DNAI3: variants seen among roughly 807,000 people sequenced by gnomAD.
DNAI3 encodes the protein WD repeat domain 63.
In DNAI3, 83 loss-of-function variants were observed where a neutral mutation model predicts 115.5. The observed-to-expected ratio is 0.72, with a 90% CI of 0.60 to 0.86. The LOEUF (loss-of-function observed/expected upper bound fraction) is 0.86. Ranked by LOEUF, DNAI3 falls within the 40% of genes least tolerant of loss-of-function variation. The probability of loss-of-function intolerance (pLI) is 0.00; values close to 1 mark genes in which losing one functional copy is unlikely to be tolerated. For synonymous variants in DNAI3, 320 were observed against 347.0 expected, an observed-to-expected ratio of 0.92 and a Z score of 0.86; for missense variants, 1,004 against 1,075.8, an observed-to-expected ratio of 0.93 and a Z score of 0.93.
chr1:85,068,862 A>C (rs1489099626), intron 1 of DNAI3, among the ~76,000 whole-genome samples: 2 of 152,168 alleles, frequency 1.3e-5, no homozygotes, highest in African/African-American at 4.8e-5. Flanking sequence ...GAGGCACAAC[A>C]TGTCAGTGCC....
chr1:85,110,033 A>ATGTT lies in DNAI3; in HGVS notation c.1699-14_1699-11dup, dbSNP rs771824054. ...GATATGTGGAAATAATCTTTGCTAT[A>ATGTT]TGTTCTCCCAAAAGGTAAGGCTGTC... On this transcript the variant is annotated splice_polypyrimidine_tract_variant and intron_variant, in intron 15 of 22. Transcript: ENST00000294664. The ATGTT allele has an allele frequency of 1.2e-6, 2 of 1,606,700 alleles. No homozygotes were observed. Among genetic ancestry groups the ATGTT allele is most frequent in the Non-Finnish European group, 1.7e-6 (2 of 1,174,500 alleles).
At chr1:85,071,318 A>T (rs1654264785) in intron 1 of DNAI3, among the ~76,000 whole-genome samples, 1 of 152,194 alleles carries the variant, frequency 6.6e-6, no homozygotes, top group Admixed American at 6.5e-5. Context: ...CAAGGATTTG[A>T]TGTCATGGTG....
Position 85,132,952 on chromosome 1 carries a change from G to A in DNAI3, c.2630G>A (p.Gly877Asp), listed in dbSNP as rs1181643724. ...ELEKTVLINL[G>D]LIKVTEKGSY... ...GAAAAGACTGTTCTTATCAACCTTG[G>A]CCTAATCAAAGTCACAGAGAAGGGG... The change falls in exon 23 of 23, where the codon GGC becomes GAC. Residue 877 changes from glycine to aspartate, a missense_variant. Coordinates refer to ENST00000294664, the MANE Select transcript of DNAI3 (RefSeq NM_145172.5). 1 of 1,613,778 alleles carries A rather than the reference G, an allele frequency of 6.2e-7. No homozygotes were observed. Among genetic ancestry groups the A allele is most frequent in the Admixed American group, 1.7e-5 (1 of 59,986 alleles).
chr1:85,101,515 G>T (rs949195046), intron 13 of DNAI3, among the ~76,000 whole-genome samples: 1 of 151,988 alleles, frequency 6.6e-6, no homozygotes, highest in African/African-American at 2.4e-5. Context: ...ACGAGGTCAG[G>T]AGATGGAGAC....
chr1:85,081,905 T>G (rs939284932), intron 4 of DNAI3, among the ~76,000 whole-genome samples: 1 of 152,234 alleles, frequency 6.6e-6, no homozygotes, highest in Admixed American at 6.5e-5. Context: ...CCTTCCAAAA[T>G]GCTGGGATTG....
In DNAI3 at chr1:85,098,549, C is replaced by T. The variant is rs755960264; in HGVS notation, c.1370C>T (p.Pro457Leu). The T allele has an allele frequency of 1.5e-5, 24 of 1,611,552 alleles. 1 individual carries two copies. The highest frequency in any genetic ancestry group is 1.6e-4 in the Middle Eastern group (1 of 6,068). Residue 457 changes from proline to leucine, a missense_variant, in exon 13 of 23, where the codon CCG (proline) becomes CTG (leucine). This residue lies in a region of DNAI3 where 550 missense variants were observed against 568.1 expected (regional missense o/e 0.97). Coordinates refer to ENST00000294664, the MANE Select transcript of DNAI3 (RefSeq NM_145172.5). ...ATLKPMFLLEPESNKEAMYIR... is the reference protein window; with the variant it reads ...ATLKPMFLLELESNKEAMYIR... ...TTTCAGCCTATGTTTCTCCTTGAAC[C>T]GGAGAGTAATAAAGAAGCAATGTAT...
intron 16 of DNAI3, among the ~76,000 whole-genome samples, chr1:85,112,048 T>A (rs577541326): frequency 7.0e-6 from 1 of 143,762 alleles, no homozygotes; most frequent in Non-Finnish European, 1.5e-5. Context: ...AATCATACAG[T>A]ATATACTCTT....
chr1:85,120,257 A>G (rs1655959111), intron 17 of DNAI3, among the ~76,000 whole-genome samples: 1 of 152,212 alleles, frequency 6.6e-6, no homozygotes, highest in South Asian at 2.1e-4. Context: ...TCAGGGAGGC[A>G]TCACTGGGAT....
chr1:85,094,552 T>C lies in DNAI3; in HGVS notation c.1170T>C (p.Pro390=), dbSNP rs1448458989. Residue 390 remains proline (P), a synonymous_variant, in exon 10 of 23, where the codon CCT becomes CCC. Coordinates refer to ENST00000294664, the MANE Select transcript of DNAI3 (RefSeq NM_145172.5). ...LFWSFSDPIH[P]QLMLESPDDI... The stretch of plus-strand genomic sequence containing the variant: ...GGAGCTTCTCTGATCCTATACATCC[T>C]CAGGTAATTAGGGAGAGTTGCCTAC... 6.2e-7 allele frequency: 1 copy of C among 1,613,974 alleles called. No homozygotes were observed. The highest frequency in any genetic ancestry group is 1.1e-5 in the South Asian group (1 of 91,038).
At chr1:85,085,757 C>A in intron 6 of DNAI3, 74 bp from the exon 7 acceptor site, 2 of 1,278,112 alleles carry the variant, frequency 1.6e-6, no homozygotes, top group Non-Finnish European at 2.2e-6. Flanking sequence ...CTGAGTGGAT[C>A]TGAGCAGAGT....
rs185599071 is a variant in DNAI3 at position 85,080,968 on chromosome 1, G to A, written c.104-266G>A. ...AGTTCATATGAGGTATATATGGAAT[G>A]ACTAGAAGAAAATAAAACAAAATAT... On this transcript the variant is annotated intron_variant, in intron 3 of 22. Coordinates refer to ENST00000294664, the MANE Select transcript of DNAI3 (RefSeq NM_145172.5). Among the ~76,000 whole-genome samples, 29 of 152,206 alleles carry A rather than the reference G, an allele frequency of 1.9e-4. No individual in the cohort carries two copies. The South Asian group carries it at 5.8e-3, about 31-fold the overall frequency.
intron 5 of DNAI3, among the ~76,000 whole-genome samples, chr1:85,083,068 T>A (rs1036744841): frequency 6.6e-6 from 1 of 152,214 alleles, no homozygotes; most frequent in East Asian, 1.9e-4. Flanking sequence ...CTCTTTCCAA[T>A]CTTCCATTCC....
chr1:85,130,191 T>G, intron 22 of DNAI3, 79 bp downstream of exon 22: 2 of 1,574,590 alleles, frequency 1.3e-6, no homozygotes, highest in Non-Finnish European at 1.7e-6. Context: ...ATCCACAGTT[T>G]CCATAGAAAA....
At chr1:85,077,323 AC>A (rs1206775253) in intron 3 of DNAI3, among the ~76,000 whole-genome samples, 1 of 152,200 alleles carries the variant, frequency 6.6e-6, no homozygotes, top group Non-Finnish European at 1.5e-5. Context: ...GGAATCATAG[AC>A]CTAAAGGTAA....
intron 5 of DNAI3, among the ~76,000 whole-genome samples, chr1:85,084,250 GTATATATA>G (rs33956396): frequency 0.01 from 855 of 85,018 alleles, 21 homozygotes; most frequent in African/African-American, 0.027. Context: ...TCAGCAGTGT[GTATATATA>G]TATATATATA....
chr1:85,094,731 T>G lies in DNAI3; in HGVS notation c.1173+176T>G, dbSNP rs749159247. Among the ~76,000 whole-genome samples, 2 of 152,246 alleles carry G rather than the reference T, an allele frequency of 1.3e-5. 1 individual carries two copies. Among genetic ancestry groups the G allele is most frequent in the Non-Finnish European group, 2.9e-5 (2 of 68,040 alleles). On this transcript the variant is annotated intron_variant, in intron 10 of 22. Coordinates refer to ENST00000294664, the MANE Select transcript of DNAI3 (RefSeq NM_145172.5). ...ATTCAATTTGAGCAAAACTAAAGTTTACAATTTGTTTATTGAACAAATCAA... is the reference window on the plus strand; with the variant it reads ...ATTCAATTTGAGCAAAACTAAAGTTGACAATTTGTTTATTGAACAAATCAA...
rs368493720 is a variant in DNAI3, at chr1:85,084,148, A to G, written c.391-398A>G. Among the ~76,000 whole-genome samples the G allele has an allele frequency of 2.0e-4, 28 of 140,584 alleles. No individual in the cohort carries two copies. In the East Asian group the frequency reaches 4.9e-3, roughly 24 times the overall value. 92.2% of individuals were successfully genotyped at this position (140,584 alleles called of 152,430 possible). ...TTTTTTTTTTTTTACTATTACAAAT[A>G]AAGCAGCAGTGTGTGTATATATATA... On this transcript the variant is annotated intron_variant, in intron 5 of 22. Coordinates refer to ENST00000294664, the MANE Select transcript of DNAI3 (RefSeq NM_145172.5).
At chr1:85,075,548 C>T (rs1654426009) in intron 3 of DNAI3, among the ~76,000 whole-genome samples, 2 of 152,188 alleles carry the variant, frequency 1.3e-5, no homozygotes, top group Admixed American at 6.5e-5. Flanking sequence ...CTCTGACTTC[C>T]TCATGGTGGG....
intron 7 of DNAI3, among the ~76,000 whole-genome samples, chr1:85,089,117 T>C (rs548942830): frequency 1.3e-5 from 2 of 152,320 alleles, no homozygotes. Context: ...TAATATTTTG[T>C]TGATCATTTA....
Sources: gnomAD v4.1 joint callset for allele counts (sites outside exome capture counted in the v4.1 genomes callset) on GRCh38, gnomAD v4.1.1 for gene constraint, gnomAD v4.1.1 regional missense constraint, MANE v1.5 for transcripts, NCBI Gene and HGNC (gene_info 2026-07-23, HGNC 2026-07-21) for gene names.